Variants in SKA3 observed in about 807,000 individuals in gnomAD.
SKA3 encodes the protein spindle and kinetochore associated complex subunit 3, also known as spindle and kinetochore-associated protein 3.
In SKA3, 39 loss-of-function variants were observed where a neutral mutation model predicts 44.2. The ratio of observed to expected loss-of-function variants is 0.88; its 90% CI spans 0.68 to 1.15. The LOEUF (loss-of-function observed/expected upper bound fraction) is 1.15. Ranked by LOEUF, SKA3 falls within the 50% of genes most tolerant of loss-of-function variation. The pLI is 0.00. For synonymous variants in SKA3, 192 were observed against 172.0 expected (o/e 1.12, Z -0.91); for missense variants, 511 against 485.8 (o/e 1.05, Z -0.49).
intron 1 of SKA3, among the ~76,000 whole-genome samples, chr13:21,173,407 C>A (rs1269538994): frequency 1.3e-5 from 2 of 152,200 alleles, no homozygotes; most frequent in Non-Finnish European, 2.9e-5. Context: ...CAGGTGTGCG[C>A]CACTACATCT....
At chr13:21,161,328 T>C (rs1389993591) in intron 5 of SKA3, among the ~76,000 whole-genome samples, 1 of 152,144 alleles carries the variant, frequency 6.6e-6, no homozygotes, top group Non-Finnish European at 1.5e-5. Context: ...TGCTTTTTCA[T>C]GAACACCAAT....
chr13:21,169,026 C>CTT (rs1239554956), intron 3 of SKA3, among the ~76,000 whole-genome samples: 5 of 145,792 alleles, frequency 3.4e-5, no homozygotes, highest in Admixed American at 1.4e-4. Flanking sequence ...TTTTTTCTTT[C>CTT]TTTTTTTTTT....
At chr13:21,174,024 C>CA (rs1871254828) in intron 1 of SKA3, among the ~76,000 whole-genome samples, 1 of 152,126 alleles carries the variant, frequency 6.6e-6, no homozygotes, top group Non-Finnish European at 1.5e-5. Flanking sequence ...AAATGCAAAT[C>CA]AAAACCACAA....
intron 3 of SKA3, among the ~76,000 whole-genome samples, chr13:21,171,924 A>C (rs1300104586): frequency 6.6e-6 from 1 of 152,226 alleles, no homozygotes; most frequent in East Asian, 1.9e-4. Context: ...TATAGCCAAT[A>C]TCTCTTTCTA....
In SKA3 at chr13:21,155,905, G is replaced by A. The variant is rs533340509; in HGVS notation, c.1120-94C>T. 98 of 650,104 alleles carry A rather than the reference G, an allele frequency of 1.5e-4. 1 individual carries two copies. The African/African-American group carries it at 1.7e-3, about 11-fold the overall frequency. 40.3% of individuals were successfully genotyped at this position (650,104 alleles called of 1,614,324 possible). A position where few individuals can be genotyped will look rare whatever the true frequency, so the allele number is the denominator to read the frequency against. On this transcript the variant is annotated intron_variant, in intron 7 of 8. Coordinates refer to ENST00000314759, the MANE Select transcript of SKA3 (RefSeq NM_145061.6). The stretch of plus-strand genomic sequence containing the variant: ...TTACAAAATGTTCAATAAAAGCTAT[G>A]GGGCGGGCATGGTGGCTCACGCCTG...
chr13:21,172,426 G>C lies in SKA3; in HGVS notation c.244C>G (p.Leu82Val). The stretch of plus-strand genomic sequence containing the variant: ...ATATCCATTGAATTTTTTTCCATTA[G>C]TACTTTTGTTGCCTTTATGAAATCA... Reference protein sequence around the residue: ...GIDFIKATKVLMEKNSMDIMK... With the variant: ...GIDFIKATKVVMEKNSMDIMK... The change falls in exon 3 of 9, where the codon CTA (leucine) becomes GTA (valine). Residue 82 changes from leucine (L) to valine (V), a missense_variant. Transcript: ENST00000314759. The C allele has an allele frequency of 6.3e-7, 1 of 1,592,858 alleles. No homozygotes were observed. Among genetic ancestry groups the C allele is most frequent in the South Asian group, 1.2e-5 (1 of 86,792 alleles).
intron 3 of SKA3, among the ~76,000 whole-genome samples, chr13:21,168,860 T>C (rs536010537): frequency 1.4e-3 from 216 of 152,290 alleles, no homozygotes; most frequent in Non-Finnish European, 2.1e-3. Flanking sequence ...TTTAATAAAG[T>C]TCTGACATGT....
Position 21,159,897 on chromosome 13 carries a change from GT to G in SKA3, c.915+4del. On this transcript the variant is annotated splice_donor_region_variant and intron_variant, in intron 6 of 8. Coordinates refer to ENST00000314759, the MANE Select transcript of SKA3 (RefSeq NM_145061.6). ...ACTGTGGCTTTCAATTTTATGGAAA[GT>G]TACCAAAGCTATGCTGTTCTTTGTA... 1 of 1,597,238 alleles carries G rather than the reference GT, an allele frequency of 6.3e-7. No homozygotes were observed. Among genetic ancestry groups the G allele is most frequent in the Non-Finnish European group, 8.5e-7 (1 of 1,173,218 alleles).
chr13:21,157,674 G>C (rs1247736527), intron 7 of SKA3, among the ~76,000 whole-genome samples: 1 of 152,106 alleles, frequency 6.6e-6, no homozygotes, highest in African/African-American at 2.4e-5. Context: ...GGAAATTGTA[G>C]GGTAAATGAC....
intron 6 of SKA3, 34 bp downstream of exon 6, chr13:21,159,867 GA>G (rs1248345645): frequency 8.8e-7 from 1 of 1,141,894 alleles, no homozygotes; most frequent in African/African-American, 1.5e-5. Flanking sequence ...GTCTTTAGGA[GA>G]AAGACTGTGG....
Position 21,153,665 on chromosome 13 carries a change from T to G in SKA3, c.*1485A>C, listed in dbSNP as rs1869926845. On this transcript the variant is annotated 3_prime_UTR_variant, in exon 9 of 9. Transcript: ENST00000314759. ...AGAATCATCACTCTCCTTGAAATAC[T>G]TTCTTCCTACTTCACTGGCCTCAGT... The G allele has an allele frequency of 1.3e-5, 2 of 152,296 alleles. No homozygotes were observed. The highest frequency in any genetic ancestry group is 2.4e-5 in the African/African-American group (1 of 41,474). The allele number at this position is 152,296 out of a possible 1,614,324, so 9.4% of individuals were successfully genotyped here.
Position 21,176,537 on chromosome 13 carries a change from C to T in SKA3, c.-60G>A. The T allele has an allele frequency of 2.0e-6, 2 of 985,936 alleles. No individual in the cohort carries two copies. Among genetic ancestry groups the T allele is most frequent in the Non-Finnish European group, 2.7e-6 (2 of 749,562 alleles). The allele number at this position is 985,936 out of a possible 1,614,324, so 61.1% of individuals were successfully genotyped here. ...CAGACCCCACCGCTCAGCTCACAGC[C>T]TCCCGCCACTAGTTTGAATCTCGGC... is the stretch of plus-strand genomic sequence containing the variant. On this transcript the variant is annotated 5_prime_UTR_variant, in exon 1 of 9. Coordinates refer to ENST00000314759, the MANE Select transcript of SKA3 (RefSeq NM_145061.6).
At chr13:21,166,984 T>C (rs188045074) in intron 4 of SKA3, among the ~76,000 whole-genome samples, 3 of 152,222 alleles carry the variant, frequency 2.0e-5, no homozygotes, top group Admixed American at 2.0e-4. Context: ...TCTATAGACA[T>C]TGCTTGGCTA....
At chr13:21,159,867 G>C (rs767983751) in intron 6 of SKA3, 35 bp downstream of exon 6, 3 of 1,141,896 alleles carry the variant, frequency 2.6e-6, no homozygotes, top group Non-Finnish European at 3.5e-6. Flanking sequence ...GTCTTTAGGA[G>C]AAAGACTGTG....
rs150365080 is a variant in SKA3, at chr13:21,162,314, C to T, written c.744-439G>A. Among the ~76,000 whole-genome samples the T allele has an allele frequency of 1.7e-3, 260 of 152,144 alleles. 1 individual carries two copies. The highest frequency in any genetic ancestry group is 2.8e-3 in the Non-Finnish European group (187 of 67,990). On this transcript the variant is annotated intron_variant, in intron 4 of 8. Coordinates refer to ENST00000314759, the MANE Select transcript of SKA3 (RefSeq NM_145061.6). ...GGATTGATTTTCACTTACAAGTTTCCAGTTTTGAATTTAAACATAATGACC... is the reference window on the plus strand; with the variant it reads ...GGATTGATTTTCACTTACAAGTTTCTAGTTTTGAATTTAAACATAATGACC...
chr13:21,162,799 G>A (rs1870509370), intron 4 of SKA3, among the ~76,000 whole-genome samples: 1 of 152,198 alleles, frequency 6.6e-6, no homozygotes, highest in Non-Finnish European at 1.5e-5. Context: ...TATGCCTGTT[G>A]CAGGGCCAAA....
chr13:21,167,980 C>A lies in SKA3; in HGVS notation c.743+8G>T. 1 of 1,553,650 alleles carries A rather than the reference C, an allele frequency of 6.4e-7. No homozygotes were observed. On this transcript the variant is annotated splice_region_variant and intron_variant, in intron 4 of 8. Transcript: ENST00000314759. Reference sequence around the variant, plus strand: ...AGATAAAATATGCCTTTTAACAGAGCTGCTTACCTTTTATTATTCCTCGCA... The same window carrying A: ...AGATAAAATATGCCTTTTAACAGAGATGCTTACCTTTTATTATTCCTCGCA...
intron 3 of SKA3, among the ~76,000 whole-genome samples, chr13:21,170,935 T>TATG (rs1871007439): frequency 1.1e-5 from 1 of 91,738 alleles, no homozygotes; most frequent in Non-Finnish European, 2.6e-5. Context: ...ATGTATGTAT[T>TATG]TTATTTATTG....
At chr13:21,166,500 G>A (rs1000584247) in intron 4 of SKA3, among the ~76,000 whole-genome samples, 24 of 152,146 alleles carry the variant, frequency 1.6e-4, no homozygotes, top group African/African-American at 5.1e-4. Context: ...TTGGGAGGCC[G>A]AGGCAGGTGG....
Sources: allele counts gnomAD v4.1 joint callset (sites outside exome capture counted in the v4.1 genomes callset), GRCh38; gene constraint gnomAD v4.1.1; transcripts MANE v1.5; gene names NCBI Gene and HGNC (gene_info 2026-07-23, HGNC 2026-07-21).